MR1: variants seen among roughly 807,000 people sequenced by gnomAD.
The protein encoded by MR1 is major histocompatibility complex, class I-related.
A neutral mutation model predicts 37.8 loss-of-function variants in MR1; 44 were observed. That is an observed-to-expected ratio of 1.16 (90% confidence interval 0.91 to 1.50). MR1 has a LOEUF of 1.50. Among genes scored for constraint, MR1 ranks in the 40% most tolerant of loss-of-function variants. The probability of loss-of-function intolerance (pLI) is 0.00; values close to 1 mark genes in which losing one functional copy is unlikely to be tolerated. For missense variants in MR1, 386 were observed against 419.1 expected (o/e 0.92, Z 0.69); for synonymous variants, 153 against 155.8 (o/e 0.98, Z 0.13).
intron 1 of MR1, among the ~76,000 whole-genome samples, chr1:181,047,914 TAA>T (rs1232809574): frequency 7.5e-6 from 1 of 133,216 alleles, no homozygotes; most frequent in South Asian, 2.4e-4. Context: ...AAATAAAAAA[TAA>T]AAAATAAATA....
chr1:181,052,682 T>C (rs1482505924), intron 4 of MR1, among the ~76,000 whole-genome samples, 172 bp downstream of exon 4: 2 of 152,202 alleles, frequency 1.3e-5, no homozygotes, highest in Non-Finnish European at 2.9e-5. Context: ...GACGCCTTCA[T>C]ACTATTAAAA....
At chr1:181,049,569 C>G in intron 2 of MR1, 1 of 558,946 alleles carries the variant, frequency 1.8e-6, no homozygotes, top group South Asian at 2.3e-5. Flanking sequence ...ATCCCATTTC[C>G]ACTCAGGCTT....
intron 1 of MR1, among the ~76,000 whole-genome samples, chr1:181,046,354 G>C (rs945685918): frequency 6.6e-6 from 1 of 151,978 alleles, no homozygotes; most frequent in Non-Finnish European, 1.5e-5. Flanking sequence ...TACACCAATC[G>C]GCACTCTGTA....
intron 1 of MR1, among the ~76,000 whole-genome samples, chr1:181,045,365 C>T (rs144304046): frequency 2.6e-5 from 4 of 152,200 alleles, no homozygotes; most frequent in South Asian, 2.1e-4. Context: ...GCATGGGGTA[C>T]GTAGCCTTCT....
At chr1:181,033,964 G>A (rs747977302), upstream of MR1, 1 of 1,576,230 alleles carries the variant, frequency 6.3e-7, no homozygotes, top group Non-Finnish European at 8.6e-7. Context: ...TCTCAGAAGG[G>A]ACCTGTCAGT....
In MR1 at chr1:181,052,490, T is replaced by A; in HGVS notation, c.860T>A (p.Met287Lys). 1 of 1,612,386 alleles carries A rather than the reference T, an allele frequency of 6.2e-7. No homozygotes were observed. The highest frequency in any genetic ancestry group is 8.5e-7 in the Non-Finnish European group (1 of 1,178,514). ...CATGTGGAGCACTGCGGTGTCCACATGGTTCTTCAGGTCCCCCAGGGTAAG... is the reference window on the plus strand; with the variant it reads ...CATGTGGAGCACTGCGGTGTCCACAAGGTTCTTCAGGTCCCCCAGGGTAAG... ...SCHVEHCGVHMVLQVPQESET... is the reference protein window; with the variant it reads ...SCHVEHCGVHKVLQVPQESET... The change falls in exon 4 of 6, where the codon ATG becomes AAG. Residue 287 changes from methionine to lysine, a missense_variant. By Grantham distance (95) the Met-to-Lys change is moderately conservative. Coordinates refer to ENST00000367580, the MANE Select transcript of MR1 (RefSeq NM_001385161.1).
In MR1 at chr1:181,053,642, G is replaced by C. The variant is rs762380947; in HGVS notation, c.950G>C (p.Gly317Ala). ...GSIVLVIVLA[G>A]VGVLVWRRRP... ...ATTGTCCTTGTCATTGTGCTGGCTG[G>C]AGTTGGTGTTCTAGTCTGGAGAAGA... is the stretch of plus-strand genomic sequence containing the variant. The change falls in exon 5 of 6, where the codon GGA becomes GCA. Residue 317 changes from glycine to alanine, a missense_variant. By Grantham distance (60) the Gly-to-Ala change is moderately conservative. Transcript: ENST00000367580. The C allele has an allele frequency of 6.8e-6, 11 of 1,613,804 alleles. No individual in the cohort carries two copies. Among genetic ancestry groups the C allele is most frequent in the Non-Finnish European group, 8.5e-6 (10 of 1,179,824 alleles).
intron 5 of MR1, among the ~76,000 whole-genome samples, chr1:181,054,783 C>G (rs1175830501): frequency 1.3e-5 from 2 of 152,046 alleles, no homozygotes; most frequent in Non-Finnish European, 2.9e-5. Context: ...ATCGCTTGAA[C>G]CTGGGAGGCG....
intron 1 of MR1, among the ~76,000 whole-genome samples, chr1:181,040,413 A>G (rs1657496264): frequency 6.6e-6 from 1 of 152,182 alleles, no homozygotes; most frequent in Admixed American, 6.5e-5. Flanking sequence ...ACAAGTTTTA[A>G]TGTACTAGGA....
chr1:181,040,638 G>A (rs1398898945), intron 1 of MR1, among the ~76,000 whole-genome samples: 1 of 152,178 alleles, frequency 6.6e-6, no homozygotes, highest in African/African-American at 2.4e-5. Flanking sequence ...GCCACGCTGG[G>A]CTGAACCAGT....
At chr1:181,036,615 G>A (rs868272247) in intron 1 of MR1, among the ~76,000 whole-genome samples, 1 of 152,190 alleles carries the variant, frequency 6.6e-6, no homozygotes, top group African/African-American at 2.4e-5. Flanking sequence ...CACTTTCAGT[G>A]TGTTGCTTTC....
Position 181,058,511 on chromosome 1 carries a change from AT to A in MR1, c.*3247del, listed in dbSNP as rs2102413170. On this transcript the variant is annotated 3_prime_UTR_variant, in exon 6 of 6. Transcript: ENST00000367580. ...CCATCGAGAGTTTCTGAGCTCTCCC[AT>A]CAGGGGCCAGTCCTCCTTTCCTCTC... 6.6e-6 allele frequency: 1 copy of A among 152,346 alleles called. No homozygotes were observed. Among genetic ancestry groups the A allele is most frequent in the Non-Finnish European group, 1.5e-5 (1 of 68,036 alleles). 9.4% of individuals were successfully genotyped at this position (152,346 alleles called of 1,614,324 possible). A position where few individuals can be genotyped will look rare whatever the true frequency, so the allele number is the denominator to read the frequency against.
chr1:181,049,318 C>T lies in MR1; in HGVS notation c.328+6C>T, dbSNP rs770933202. 3.1e-6 allele frequency: 5 copies of T among 1,611,322 alleles called. No individual in the cohort carries two copies. The highest frequency in any genetic ancestry group is 4.2e-6 in the Non-Finnish European group (5 of 1,178,554). On this transcript the variant is annotated splice_donor_region_variant and intron_variant, in intron 2 of 5. Transcript: ENST00000367580. The stretch of plus-strand genomic sequence containing the variant: ...GAGGCACTACAATCACTCAGGTGTG[C>T]ATGCGGCAGAGACAGACGCTTCCCC...
chr1:181,042,524 AGGTGCGGT>A (rs1657615805), intron 1 of MR1, among the ~76,000 whole-genome samples: 1 of 140,080 alleles, frequency 7.1e-6, no homozygotes, highest in Non-Finnish European at 1.6e-5. Context: ...TTTTTAGGCC[AGGTGCGGT>A]GGCTCACGCC....
In MR1 at chr1:181,052,438, C is replaced by G; in HGVS notation, c.808C>G (p.Pro270Ala). The G allele has an allele frequency of 6.2e-7, 1 of 1,614,186 alleles. No homozygotes were observed. The highest frequency in any genetic ancestry group is 1.1e-5 in the South Asian group (1 of 91,080). ...YQAWASIELD[P>A]QSSNLYSCHV... is the part of the protein sequence containing the mutation. ...GGCGTGGGCATCAATTGAGCTTGATCCTCAGAGCAGCAACCTTTACTCCTG... is the reference window on the plus strand; with the variant it reads ...GGCGTGGGCATCAATTGAGCTTGATGCTCAGAGCAGCAACCTTTACTCCTG... The change falls in exon 4 of 6, where the codon CCT (proline) becomes GCT (alanine). Residue 270 changes from proline (P) to alanine (A), a missense_variant. By Grantham distance (27) the Pro-to-Ala change is conservative. Coordinates refer to ENST00000367580, the MANE Select transcript of MR1 (RefSeq NM_001385161.1).
At chr1:181,049,457 C>A in intron 2 of MR1, 145 bp downstream of exon 2, 3 of 962,200 alleles carry the variant, frequency 3.1e-6, no homozygotes, top group Non-Finnish European at 3.0e-6. Context: ...GAGTTCAGGG[C>A]CTCCCATCTG....
At position 181,050,055 on chromosome 1, in the gene MR1, G is replaced by A; in HGVS notation, c.373G>A (p.Asp125Asn). 6.2e-7 allele frequency: 1 copy of A among 1,613,560 alleles called. No homozygotes were observed. Among genetic ancestry groups the A allele is most frequent in the Non-Finnish European group, 8.5e-7 (1 of 1,180,032 alleles). ...AATGATTGGCTGTGAGCTGCTGGAGGATGGAAGCACCACAGGATTTCTGCA... is the reference window on the plus strand; with the variant it reads ...AATGATTGGCTGTGAGCTGCTGGAGAATGGAAGCACCACAGGATTTCTGCA... ...QRMIGCELLE[D>N]GSTTGFLQYA... The change falls in exon 3 of 6, where the codon GAT (aspartate) becomes AAT (asparagine). Residue 125 changes from aspartate (D) to asparagine (N), a missense_variant. By Grantham distance (23) the Asp-to-Asn change is conservative. Coordinates refer to ENST00000367580, the MANE Select transcript of MR1 (RefSeq NM_001385161.1).
rs1238483229 is a variant in MR1 at position 181,057,113 on chromosome 1, C to T, written c.*1848C>T. 1 of 103,384 alleles carries T rather than the reference C, an allele frequency of 9.7e-6. No individual in the cohort carries two copies. The highest frequency in any genetic ancestry group is 4.2e-4 in the South Asian group (1 of 2,370). The allele number at this position is 103,384 out of a possible 1,614,324, so 6.4% of individuals were successfully genotyped here. On this transcript the variant is annotated 3_prime_UTR_variant, in exon 6 of 6. Transcript: ENST00000367580. Reference sequence around the variant, plus strand: ...CCAGCCTGGGCAACGGAGCAAGACTCTGTCTCCAAAAAAAAAAAGAAAGAT... The same window carrying T: ...CCAGCCTGGGCAACGGAGCAAGACTTTGTCTCCAAAAAAAAAAAGAAAGAT...
chr1:181,055,199 C>G, intron 5 of MR1, 26 bp from the exon 6 acceptor site: 1 of 1,611,172 alleles, frequency 6.2e-7, no homozygotes, highest in Non-Finnish European at 8.5e-7. Flanking sequence ...TTCTTGTAAT[C>G]TGACTAAAAA....
Sources: allele counts gnomAD v4.1 joint callset (sites outside exome capture counted in the v4.1 genomes callset), GRCh38; gene constraint gnomAD v4.1.1; transcripts MANE v1.5; gene names NCBI Gene and HGNC (gene_info 2026-07-23, HGNC 2026-07-21).